The following WWOX variants were observed in gnomAD, a reference collection of about 807,000 sequenced individuals.
WWOX encodes WW domain containing oxidoreductase.
Under a neutral mutation model 46.2 loss-of-function variants are expected in WWOX, and 69 were observed. That is an observed-to-expected ratio of 1.49 (90% CI 1.23 to 1.82). The LOEUF is 1.82. Among genes scored for constraint, WWOX ranks in the 40% most tolerant of loss-of-function variants. WWOX has a pLI of 0.00. For missense variants in WWOX, 919 were observed against 542.6 expected (o/e 1.69, Z -6.89); for synonymous variants, 359 against 202.6 (o/e 1.77, Z -6.56).
chr16:78,284,322 T>C (rs907787071), intron 5 of WWOX, among the ~76,000 whole-genome samples: 1 of 152,206 alleles, frequency 6.6e-6, no homozygotes, highest in African/African-American at 2.4e-5. Flanking sequence ...ATGGAATGAT[T>C]TTCTTAAGAT....
chr16:78,602,355 C>T (rs144803281), intron 8 of WWOX, among the ~76,000 whole-genome samples: 1 of 152,248 alleles, frequency 6.6e-6, no homozygotes, highest in African/African-American at 2.4e-5. Flanking sequence ...GCCTCAGCCT[C>T]CTGAGTAGCT....
intron 8 of WWOX, chr16:78,525,837 C>G (rs2941949): frequency 0.79 from 116,250 of 146,696 alleles, 47,465 homozygotes; most frequent in East Asian, 0.97. Flanking sequence ...GAAAGATGCA[C>G]ACTGCTTTAA....
chr16:78,140,995 C>G (rs913476467), intron 4 of WWOX, among the ~76,000 whole-genome samples: 1 of 152,172 alleles, frequency 6.6e-6, no homozygotes, highest in Admixed American at 6.5e-5. Flanking sequence ...CAGCAGTGAA[C>G]AAAGTGCTCC....
At chr16:78,425,837 C>G (rs1227476681) in intron 7 of WWOX, among the ~76,000 whole-genome samples, 5 of 151,842 alleles carry the variant, frequency 3.3e-5, no homozygotes, top group African/African-American at 1.2e-4. Flanking sequence ...AGCAAAGTAG[C>G]TAGAAAAAAA....
intron 8 of WWOX, among the ~76,000 whole-genome samples, chr16:78,665,448 G>C: frequency 6.6e-6 from 1 of 152,198 alleles, no homozygotes; most frequent in East Asian, 1.9e-4. Flanking sequence ...ACATGGGAAG[G>C]CCGTACTTTC....
chr16:78,484,658 C>T (rs1376449437), intron 8 of WWOX, among the ~76,000 whole-genome samples: 4 of 152,080 alleles, frequency 2.6e-5, no homozygotes, highest in Non-Finnish European at 4.4e-5. Flanking sequence ...GGATGTGGGG[C>T]TTTAAAGGCA....
intron 8 of WWOX, among the ~76,000 whole-genome samples, chr16:78,932,924 A>G (rs189371526): frequency 6.6e-6 from 1 of 152,340 alleles, no homozygotes; most frequent in African/African-American, 2.4e-5. Flanking sequence ...AACATAGTCC[A>G]GGTTGAACCT....
intron 8 of WWOX, among the ~76,000 whole-genome samples, chr16:78,474,282 C>T (rs915396054): frequency 6.6e-6 from 1 of 152,200 alleles, no homozygotes; most frequent in South Asian, 2.1e-4. Context: ...CTAAAGTTCT[C>T]ATTTCATGCC....
At position 78,188,316 on chromosome 16, in the gene WWOX, C is replaced by T. The variant is rs530034120; in HGVS notation, c.516+24027C>T. ...CATCCTGGCTAACACGGTGAAACCC[C>T]GTCTTTACTAAAAATACAAAAAATT... On this transcript the variant is annotated intron_variant, in intron 5 of 8. Transcript: ENST00000566780. 2.6e-5 allele frequency among the ~76,000 whole-genome samples: 4 copies of T among 151,954 alleles called. No homozygotes were observed. In the South Asian group the frequency reaches 6.3e-4, roughly 24 times the overall value.
intron 8 of WWOX, among the ~76,000 whole-genome samples, chr16:79,070,181 A>G (rs189496368): frequency 6.6e-6 from 1 of 152,176 alleles, no homozygotes; most frequent in Non-Finnish European, 1.5e-5. Context: ...TGCAGTGCCT[A>G]ATGTTTATAA....
intron 8 of WWOX, among the ~76,000 whole-genome samples, chr16:78,656,731 T>A (rs1412976287): frequency 6.6e-6 from 1 of 152,140 alleles, no homozygotes; most frequent in Non-Finnish European, 1.5e-5. Flanking sequence ...ACTGAGCACA[T>A]CCTCGTGGAT....
chr16:78,145,601 G>A (rs888889869), intron 4 of WWOX, among the ~76,000 whole-genome samples: 5 of 152,076 alleles, frequency 3.3e-5, no homozygotes, highest in Non-Finnish European at 5.9e-5. Context: ...CTCTTCATCC[G>A]CTGACTTAAA....
At chr16:78,110,472 CTA>C (rs1039472437) in intron 3 of WWOX, among the ~76,000 whole-genome samples, 4 of 151,730 alleles carry the variant, frequency 2.6e-5, no homozygotes, top group Non-Finnish European at 4.4e-5. Context: ...TTTAGCAGCT[CTA>C]GAGTTATTAT....
chr16:78,611,274 T>C (rs1208929962), intron 8 of WWOX, among the ~76,000 whole-genome samples: 2 of 152,232 alleles, frequency 1.3e-5, no homozygotes, highest in Admixed American at 6.5e-5. Context: ...TAGGCAAGCG[T>C]TGATGACATC....
chr16:78,285,891 G>A (rs896638311), intron 5 of WWOX, among the ~76,000 whole-genome samples: 3 of 152,084 alleles, frequency 2.0e-5, no homozygotes, highest in South Asian at 2.1e-4. Flanking sequence ...ATAGTATCTT[G>A]TAAAGCCAGC....
chr16:79,143,853 G>C (rs529371874), intron 8 of WWOX, among the ~76,000 whole-genome samples: 1 of 152,126 alleles, frequency 6.6e-6, no homozygotes, highest in East Asian at 1.9e-4. Context: ...ATATGAAGCC[G>C]ATGCAGCTAG....
intron 6 of WWOX, among the ~76,000 whole-genome samples, chr16:78,424,107 C>CTTTTTTTTTTT (rs199817825): frequency 3.2e-4 from 33 of 102,082 alleles, no homozygotes; most frequent in African/African-American, 5.2e-4. Context: ...CTTTTCTTTT[C>CTTTTTTTTTTT]TTTTTTTTTT....
At chr16:78,890,348 T>A (rs996147911) in intron 8 of WWOX, 2 of 152,222 alleles carry the variant, frequency 1.3e-5, no homozygotes, top group African/African-American at 4.8e-5. Context: ...CCATCATTCT[T>A]AAATTTGACC....
rs1047826855 is a variant in WWOX at position 78,287,029 on chromosome 16, C to T, written c.517-99831C>T. On this transcript the variant is annotated intron_variant, in intron 5 of 8. Coordinates refer to ENST00000566780, the MANE Select transcript of WWOX (RefSeq NM_016373.4). The stretch of plus-strand genomic sequence containing the variant: ...AGGATGCTGCCCTTCTGACTTTTTT[C>T]TCCAATACCTGGGAGGGAATTAGCC... 9.9e-5 allele frequency among the ~76,000 whole-genome samples: 15 copies of T among 152,164 alleles called. No individual in the cohort carries two copies. In the East Asian group the frequency reaches 2.7e-3, roughly 27 times the overall value.
Sources: allele counts gnomAD v4.1 joint callset (sites outside exome capture counted in the v4.1 genomes callset), GRCh38; gene constraint gnomAD v4.1.1; transcripts MANE v1.5; gene names NCBI Gene and HGNC (gene_info 2026-07-23, HGNC 2026-07-21).